The following BBS9 variants were observed in gnomAD, a reference collection of about 807,000 sequenced individuals.
The protein encoded by BBS9 is Bardet-Biedl syndrome 9.
Under a neutral mutation model 117.7 loss-of-function variants are expected in BBS9, and 89 were observed. The ratio of observed to expected loss-of-function variants is 0.76; its 90% confidence interval spans 0.64 to 0.90. The LOEUF (loss-of-function observed/expected upper bound fraction) is 0.90. Ranked by LOEUF, BBS9 falls within the 40% of genes least tolerant of loss-of-function variation. BBS9 has a pLI of 0.00. For missense variants in BBS9, 982 were observed against 1,042.2 expected (o/e 0.94, Z 0.80); for synonymous variants, 379 against 370.9 (o/e 1.02, Z -0.25).
At chr7:33,301,669 T>C (rs1414684861) in intron 9 of BBS9, among the ~76,000 whole-genome samples, 1 of 152,146 alleles carries the variant, frequency 6.6e-6, no homozygotes, top group East Asian at 1.9e-4. Flanking sequence ...TCTTTATCCG[T>C]TTTTCTGTTG....
Position 33,152,753 on chromosome 7 carries a change from T to C in BBS9, c.165T>C (p.His55=). The C allele has an allele frequency of 1.9e-6, 3 of 1,613,828 alleles. No individual in the cohort carries two copies. Among genetic ancestry groups the C allele is most frequent in the Non-Finnish European group, 2.5e-6 (3 of 1,179,900 alleles). The change falls in exon 3 of 23, where the codon CAT becomes CAC. Residue 55 remains histidine, a synonymous_variant. Transcript: ENST00000242067. ...GATACCTAAGGATCTTTAGCCCCCA[T>C]CCTGCAAAAACAGGAGATGGAGCTC... The part of the protein sequence containing the change: ...FMGYLRIFSP[H]PAKTGDGAQA...
chr7:33,548,782 C>T (rs1022649022), intron 21 of BBS9, among the ~76,000 whole-genome samples: 1 of 150,766 alleles, frequency 6.6e-6, no homozygotes, highest in Admixed American at 6.6e-5. Flanking sequence ...AAAGAGGATA[C>T]AAACAAATGG....
chr7:33,439,927 G>A (rs1340392196), intron 19 of BBS9, among the ~76,000 whole-genome samples: 1 of 152,204 alleles, frequency 6.6e-6, no homozygotes, highest in African/African-American at 2.4e-5. Context: ...TGACTGTGAG[G>A]TAGGCAAGGC....
At chr7:33,576,444 A>G (rs889627760) in intron 21 of BBS9, among the ~76,000 whole-genome samples, 1 of 152,178 alleles carries the variant, frequency 6.6e-6, no homozygotes, top group Non-Finnish European at 1.5e-5. Context: ...ATGCTCATGG[A>G]TAGGAAGAAT....
intron 5 of BBS9, among the ~76,000 whole-genome samples, chr7:33,232,223 G>A (rs1354079794): frequency 6.6e-6 from 1 of 151,984 alleles, no homozygotes; most frequent in Non-Finnish European, 1.5e-5. Flanking sequence ...TTCTGATTTA[G>A]TTATCATAGT....
At chr7:33,505,355 A>G (rs761773770) in intron 19 of BBS9, 108 bp from the exon 20 acceptor site, 32 of 1,056,098 alleles carry the variant, frequency 3.0e-5, no homozygotes, top group Non-Finnish European at 4.6e-5. Context: ...TGTGGAAGAC[A>G]AAGTTCATCA....
intron 21 of BBS9, among the ~76,000 whole-genome samples, chr7:33,542,924 ATGTG>A (rs1852629470): frequency 1.3e-5 from 2 of 151,940 alleles, no homozygotes; most frequent in African/African-American, 4.8e-5. Context: ...ATAAACATGC[ATGTG>A]CAAGTATCTT....
chr7:33,307,921 A>C (rs925709663), intron 9 of BBS9, among the ~76,000 whole-genome samples: 1 of 152,044 alleles, frequency 6.6e-6, no homozygotes, highest in African/African-American at 2.4e-5. Flanking sequence ...GTCACTTTAT[A>C]CTCTCCAAAA....
chr7:33,609,320 A>G (rs1350559841), downstream of BBS9, among the ~76,000 whole-genome samples: 1 of 152,122 alleles, frequency 6.6e-6, no homozygotes, highest in Non-Finnish European at 1.5e-5. Flanking sequence ...AGATATTTAA[A>G]TATTTTTCGA....
chr7:33,455,275 G>C (rs1046523032), intron 19 of BBS9, among the ~76,000 whole-genome samples: 2 of 152,108 alleles, frequency 1.3e-5, no homozygotes, highest in Non-Finnish European at 2.9e-5. Context: ...TAGTGGGAGG[G>C]AACACGTAAG....
chr7:33,619,211 C>T (rs191150935), intron 21 of BBS9, among the ~76,000 whole-genome samples: 6 of 152,062 alleles, frequency 3.9e-5, no homozygotes, highest in Admixed American at 6.6e-5. Flanking sequence ...TCTATACTTA[C>T]GTCAGGCAAA....
chr7:33,232,038 C>T (rs577442359), intron 5 of BBS9, among the ~76,000 whole-genome samples: 3 of 152,120 alleles, frequency 2.0e-5, no homozygotes, highest in Non-Finnish European at 4.4e-5. Context: ...GACTGCATTG[C>T]AAGTATAACT....
chr7:33,231,761 G>T (rs1180523946), intron 5 of BBS9, among the ~76,000 whole-genome samples: 1 of 152,058 alleles, frequency 6.6e-6, no homozygotes, highest in African/African-American at 2.4e-5. Flanking sequence ...TTTGTTTTCA[G>T]GGTTTGATTT....
chr7:33,153,124 A>G (rs1185852755), intron 3 of BBS9, among the ~76,000 whole-genome samples: 1 of 152,242 alleles, frequency 6.6e-6, no homozygotes, highest in Non-Finnish European at 1.5e-5. Context: ...AAATAACCAA[A>G]TAAAGAAATA....
chr7:33,214,382 C>T (rs1334148689), intron 5 of BBS9, among the ~76,000 whole-genome samples: 1 of 152,180 alleles, frequency 6.6e-6, no homozygotes, highest in African/African-American at 2.4e-5. Context: ...GACTGTGTCT[C>T]CGACCCTCTT....
intron 20 of BBS9, among the ~76,000 whole-genome samples, chr7:33,519,713 T>C (rs368509365): frequency 3.4e-4 from 52 of 152,310 alleles, no homozygotes; most frequent in African/African-American, 1.2e-3. Flanking sequence ...AAGAAGTCAT[T>C]TCTGAAGCCC....
intron 5 of BBS9, among the ~76,000 whole-genome samples, chr7:33,178,476 C>A (rs540917385): frequency 5.9e-5 from 9 of 152,198 alleles, no homozygotes; most frequent in African/African-American, 2.2e-4. Context: ...TGGGAGGGCT[C>A]TTATTTCCAA....
chr7:33,600,404 T>C (rs2129198291), intron 21 of BBS9, among the ~76,000 whole-genome samples: 1 of 152,294 alleles, frequency 6.6e-6, no homozygotes, highest in African/African-American at 2.4e-5. Flanking sequence ...AGCAAGTTTT[T>C]TTTTTTTGAG....
chr7:33,145,226 A>G (rs1312991545), intron 1 of BBS9, among the ~76,000 whole-genome samples: 1 of 152,196 alleles, frequency 6.6e-6, no homozygotes, highest in African/African-American at 2.4e-5. Flanking sequence ...TGCACTTCGT[A>G]GCTACCATTT....
Sources: gnomAD v4.1 joint callset for allele counts (sites outside exome capture counted in the v4.1 genomes callset) on GRCh38, gnomAD v4.1.1 for gene constraint, MANE v1.5 for transcripts, NCBI Gene and HGNC (gene_info 2026-07-23, HGNC 2026-07-21) for gene names.